The following TMEM52B variants were observed in gnomAD, a reference collection of about 807,000 sequenced individuals.
TMEM52B encodes transmembrane protein 52B.
In TMEM52B, 11 loss-of-function variants were observed where a neutral mutation model predicts 16.1. That is an observed-to-expected ratio of 0.68 (90% confidence interval 0.43 to 1.13). TMEM52B has a LOEUF of 1.13. TMEM52B is among the 50% of genes most tolerant of loss of function. The pLI is 0.00. For synonymous variants in TMEM52B, 101 were observed against 93.8 expected (o/e 1.08, Z -0.45); for missense variants, 243 against 230.4 (o/e 1.05, Z -0.35).
Position 10,190,202 on chromosome 12 carries a change from C to T in TMEM52B, c.*62C>T. 1 of 1,596,718 alleles carries T rather than the reference C, an allele frequency of 6.3e-7. No individual in the cohort carries two copies. The highest frequency in any genetic ancestry group is 8.5e-7 in the Non-Finnish European group (1 of 1,170,386). On this transcript the variant is annotated 3_prime_UTR_variant, in exon 5 of 5. Coordinates refer to ENST00000543484, the MANE Select transcript of TMEM52B (RefSeq NM_001384896.1). ...GTCCAGAGTCTGTGGGAAAATGGAA[C>T]ACATACTTTTCTAACCCTCAGAAGT...
At chr12:10,172,467 AT>A (rs1948731505) in intron 1 of TMEM52B, 2 of 161,918 alleles carry the variant, frequency 1.2e-5, no homozygotes, top group Non-Finnish European at 2.7e-5. Flanking sequence ...GGGCCAAAAT[AT>A]TTGATTCCAA....
chr12:10,186,447 T>C lies in TMEM52B; in HGVS notation c.165T>C (p.Leu55=). 6.2e-7 allele frequency: 1 copy of C among 1,611,266 alleles called. No individual in the cohort carries two copies. ...TGCTAGTGGTAATTGGCGCGCTGCT[T>C]CTCCTGTGTGGCCTGACGTCCCTGT... ...IWLLVVIGAL[L]LLCGLTSLCF... The change falls in exon 4 of 5, where the codon CTT becomes CTC. Residue 55 remains leucine (L), a synonymous_variant. Coordinates refer to ENST00000543484, the MANE Select transcript of TMEM52B (RefSeq NM_001384896.1).
Position 10,190,235 on chromosome 12 carries a change from T to C in TMEM52B, c.*95T>C. 1 of 1,499,374 alleles carries C rather than the reference T, an allele frequency of 6.7e-7. No homozygotes were observed. The highest frequency in any genetic ancestry group is 1.8e-5 in the Admixed American group (1 of 55,318). 92.9% of individuals were successfully genotyped at this position (1,499,374 alleles called of 1,614,324 possible). On this transcript the variant is annotated 3_prime_UTR_variant, in exon 5 of 5. Coordinates refer to ENST00000543484, the MANE Select transcript of TMEM52B (RefSeq NM_001384896.1). ...TTTCTAACCCTCAGAAGTTTTAAGA[T>C]GGCATCTAACACCATCATTCTATGG... is the stretch of plus-strand genomic sequence containing the variant.
chr12:10,190,292 CT>C lies in TMEM52B; in HGVS notation c.*155del. The stretch of plus-strand genomic sequence containing the variant: ...TGGTTCTTACTCTTCGTTCACAGGC[CT>C]TTATATCTTCCGATACAGAATGCTC... On this transcript the variant is annotated 3_prime_UTR_variant, in exon 5 of 5. Coordinates refer to ENST00000543484, the MANE Select transcript of TMEM52B (RefSeq NM_001384896.1). 1 of 1,018,582 alleles carries C rather than the reference CT, an allele frequency of 9.8e-7. No individual in the cohort carries two copies. The highest frequency in any genetic ancestry group is 1.4e-6 in the Non-Finnish European group (1 of 711,562). The allele number at this position is 1,018,582 out of a possible 1,614,324, so 63.1% of individuals were successfully genotyped here.
chr12:10,182,803 C>G (rs1476025119), intron 2 of TMEM52B, among the ~76,000 whole-genome samples: 1 of 151,972 alleles, frequency 6.6e-6, no homozygotes, highest in African/African-American at 2.4e-5. Flanking sequence ...ATGTTTTTAC[C>G]CAAAGCCAAT....
At chr12:10,188,677 G>C (rs1337337994) in intron 4 of TMEM52B, among the ~76,000 whole-genome samples, 1 of 151,966 alleles carries the variant, frequency 6.6e-6, no homozygotes, top group Non-Finnish European at 1.5e-5. Flanking sequence ...GACCAGACTG[G>C]CCAACATGGT....
At chr12:10,175,438 A>C (rs888368446), upstream of TMEM52B, 10 of 152,310 alleles carry the variant, frequency 6.6e-5, no homozygotes, top group African/African-American at 2.4e-4. Flanking sequence ...GACATCAAGC[A>C]GAGGACCCAA....
chr12:10,182,103 C>G (rs1032002946), intron 1 of TMEM52B: 9 of 983,720 alleles, frequency 9.1e-6, no homozygotes, highest in African/African-American at 3.5e-5. Context: ...AAATAAGACT[C>G]TCTGTCCCAC....
intron 4 of TMEM52B, among the ~76,000 whole-genome samples, chr12:10,187,866 A>C (rs1948899236): frequency 6.6e-6 from 1 of 152,080 alleles, no homozygotes; most frequent in Non-Finnish European, 1.5e-5. Context: ...TGGGAGGCTG[A>C]GGCAGGTGGC....
At chr12:10,183,888 T>C (rs1370350680) in intron 2 of TMEM52B, among the ~76,000 whole-genome samples, 1 of 152,212 alleles carries the variant, frequency 6.6e-6, no homozygotes, top group African/African-American at 2.4e-5. Context: ...TCTCCTAGCA[T>C]ACAACTTCTA....
intron 2 of TMEM52B, among the ~76,000 whole-genome samples, chr12:10,184,047 A>AG (rs1948853040): frequency 6.6e-6 from 1 of 152,204 alleles, no homozygotes; most frequent in South Asian, 2.1e-4. Context: ...AGGAAAGTAG[A>AG]GGGGCTGAAG....
chr12:10,186,674 C>G (rs368723957), intron 4 of TMEM52B, 85 bp downstream of exon 4: 1 of 1,304,758 alleles, frequency 7.7e-7, no homozygotes, highest in South Asian at 2.1e-5. Context: ...AACCACTGAT[C>G]GAGTAATATT....
rs575827939 is a variant in TMEM52B, at chr12:10,187,424, C to G, written c.307+835C>G. ...CAAAATGGTTACTTTCTTTTTTTGACACGGAGTCTCCCTCTGTTGCCCAGG... is the reference window on the plus strand; with the variant it reads ...CAAAATGGTTACTTTCTTTTTTTGAGACGGAGTCTCCCTCTGTTGCCCAGG... On this transcript the variant is annotated intron_variant, in intron 4 of 4. Coordinates refer to ENST00000543484, the MANE Select transcript of TMEM52B (RefSeq NM_001384896.1). Among the ~76,000 whole-genome samples, 404 of 148,088 alleles carry G rather than the reference C, an allele frequency of 2.7e-3. 3 individuals are homozygous for G. The highest frequency in any genetic ancestry group is 9.7e-3 in the African/African-American group (391 of 40,120).
intron 4 of TMEM52B, among the ~76,000 whole-genome samples, chr12:10,189,016 CAAAAAAAAAAAAAAAAAAAAAAA>C (rs869240234): frequency 1.8e-5 from 1 of 56,488 alleles, no homozygotes; most frequent in African/African-American, 8.1e-5. Flanking sequence ...GACTCCGTCT[CAAAAAAAAAAAAAAAAAAAAAAA>C]AAAAAAAAAA....
chr12:10,174,767 C>T (rs1408066176), upstream of TMEM52B, among the ~76,000 whole-genome samples: 5 of 152,196 alleles, frequency 3.3e-5, no homozygotes, highest in Admixed American at 6.5e-5. Flanking sequence ...TGGAAACCAC[C>T]GTTCCATTTT....
chr12:10,178,410 C>T (rs968072534), upstream of TMEM52B, among the ~76,000 whole-genome samples: 3 of 151,396 alleles, frequency 2.0e-5, no homozygotes, highest in African/African-American at 7.3e-5. Flanking sequence ...GTATTCCCAG[C>T]TACTCGGGAG....
Position 10,179,601 on chromosome 12 carries a change from G to A in TMEM52B, c.27G>A (p.Ala9=), listed in dbSNP as rs201043259. MGVRVHVV[A]ASALLYFILL... is the part of the protein sequence containing the mutation. ...TGGGAGTCCGAGTTCATGTCGTGGCGGCCTCAGCCCTGCTGTATTTCATCC... is the reference window on the plus strand; with the variant it reads ...TGGGAGTCCGAGTTCATGTCGTGGCAGCCTCAGCCCTGCTGTATTTCATCC... The change falls in exon 1 of 5, where the codon GCG becomes GCA. Residue 9 remains alanine (A), a synonymous_variant. Transcript: ENST00000543484. 345 of 1,614,050 alleles carry A rather than the reference G, an allele frequency of 2.1e-4. 1 individual carries two copies. The highest frequency in any genetic ancestry group is 1.6e-4 in the Middle Eastern group (1 of 6,084).
rs1948837434 is a variant in TMEM52B, at chr12:10,182,602, A to G, written c.98+9A>G. On this transcript the variant is annotated intron_variant, in intron 2 of 4. Coordinates refer to ENST00000543484, the MANE Select transcript of TMEM52B (RefSeq NM_001384896.1). The stretch of plus-strand genomic sequence containing the variant: ...TGTGGTAATCCTGAACAGTAAGTAT[A>G]GAGTTCAAGCTGGGAGGAAGGAGCA... 1 of 1,534,416 alleles carries G rather than the reference A, an allele frequency of 6.5e-7. No homozygotes were observed. The highest frequency in any genetic ancestry group is 1.4e-5 in the African/African-American group (1 of 73,000).
rs950786961 is a variant in TMEM52B at position 10,182,343 on chromosome 12, T to C, written c.55-207T>C. ...CACCATCAACACAACAGATGAGATATTTGTTCTTCAAGGTTCCCTTACCTC... is the reference window on the plus strand; with the variant it reads ...CACCATCAACACAACAGATGAGATACTTGTTCTTCAAGGTTCCCTTACCTC... On this transcript the variant is annotated intron_variant, in intron 1 of 4. Transcript: ENST00000543484. 3 of 985,210 alleles carry C rather than the reference T, an allele frequency of 3.0e-6. No homozygotes were observed. The African/African-American group carries it at 5.2e-5, about 17-fold the overall frequency. 61.0% of individuals were successfully genotyped at this position (985,210 alleles called of 1,614,324 possible). A position where few individuals can be genotyped will look rare whatever the true frequency, so the allele number is the denominator to read the frequency against.
Sources: allele counts gnomAD v4.1 joint callset (sites outside exome capture counted in the v4.1 genomes callset), GRCh38; gene constraint gnomAD v4.1.1; transcripts MANE v1.5; gene names NCBI Gene and HGNC (gene_info 2026-07-23, HGNC 2026-07-21).